CD96: variants seen among roughly 807,000 people sequenced by gnomAD.
CD96 encodes the protein T-cell surface protein tactile.
Under a neutral mutation model 71.3 loss-of-function variants are expected in CD96, and 70 were observed. The ratio of observed to expected loss-of-function variants is 0.98; its 90% confidence interval spans 0.81 to 1.20. The LOEUF is 1.20. Among genes scored for constraint, CD96 ranks in the 50% most tolerant of loss-of-function variants. The probability of loss-of-function intolerance (pLI) is 0.00; values close to 1 mark genes in which losing one functional copy is unlikely to be tolerated. For missense variants in CD96, 742 were observed against 677.5 expected, an observed-to-expected ratio of 1.10 and a Z score of -1.06; for synonymous variants, 248 against 233.0, an observed-to-expected ratio of 1.06 and a Z score of -0.59.
intron 13 of CD96, among the ~76,000 whole-genome samples, chr3:111,648,999 A>G (rs1172255256): frequency 6.6e-6 from 1 of 152,214 alleles, no homozygotes; most frequent in Non-Finnish European, 1.5e-5. Context: ...GATTCAAACA[A>G]AAGGGATTTA....
At chr3:111,565,844 T>C (rs563314405) in intron 2 of CD96, among the ~76,000 whole-genome samples, 2 of 151,784 alleles carry the variant, frequency 1.3e-5, no homozygotes, top group Admixed American at 1.3e-4. Flanking sequence ...GGGGAAGATG[T>C]ACCCTAATGG....
chr3:111,657,497 G>A (rs1272619929), intron 14 of CD96, among the ~76,000 whole-genome samples: 3 of 151,886 alleles, frequency 2.0e-5, no homozygotes, highest in South Asian at 2.1e-4. Context: ...CTCGTGTAGG[G>A]TGGGGTGGGG....
At chr3:111,566,670 G>A (rs1411380994) in intron 2 of CD96, among the ~76,000 whole-genome samples, 1 of 152,096 alleles carries the variant, frequency 6.6e-6, no homozygotes, top group Non-Finnish European at 1.5e-5. Context: ...TTATATGTAT[G>A]TATATAAAAC....
rs1041720681 is a variant in CD96, at chr3:111,608,104, C to T, written c.1180+1312C>T. Among the ~76,000 whole-genome samples the T allele has an allele frequency of 3.5e-5, 5 of 141,610 alleles. No homozygotes were observed. The East Asian group carries it at 6.1e-4, about 17-fold the overall frequency. 92.9% of individuals were successfully genotyped at this position (141,610 alleles called of 152,430 possible). A position where few individuals can be genotyped will look rare whatever the true frequency, so the allele number is the denominator to read the frequency against. On this transcript the variant is annotated intron_variant, in intron 8 of 13. Transcript: ENST00000352690. ...GTTCTTTCATGAGGTGCAGTCACAC[C>T]GTTGGCTGAGGCTTCAGTCATCTGA...
chr3:111,559,128 A>G (rs1193458986), intron 2 of CD96, among the ~76,000 whole-genome samples: 1 of 150,750 alleles, frequency 6.6e-6, no homozygotes, highest in Non-Finnish European at 1.5e-5. Flanking sequence ...CTAGCGGTCT[A>G]TCAATTTTGT....
At chr3:111,566,937 T>C (rs1935739586) in intron 2 of CD96, among the ~76,000 whole-genome samples, 1 of 152,132 alleles carries the variant, frequency 6.6e-6, no homozygotes, top group African/African-American at 2.4e-5. Flanking sequence ...ACCCATAGAA[T>C]GTGCAAAATT....
intron 14 of CD96, among the ~76,000 whole-genome samples, chr3:111,658,042 T>A (rs1221521109): frequency 6.6e-6 from 1 of 152,232 alleles, no homozygotes; most frequent in Non-Finnish European, 1.5e-5. Flanking sequence ...AGCATCCGCA[T>A]CTTGGTCTTC....
intron 3 of CD96, among the ~76,000 whole-genome samples, chr3:111,569,928 A>C (rs1935898792): frequency 1.3e-5 from 2 of 152,214 alleles, no homozygotes; most frequent in African/African-American, 4.8e-5. Context: ...AAAATGATTC[A>C]GTAGTCTTCC....
At chr3:111,577,541 G>A (rs1199786255) in intron 3 of CD96, 1 of 1,597,024 alleles carries the variant, frequency 6.3e-7, no homozygotes, top group Non-Finnish European at 8.6e-7. Context: ...TCTTTCTAAG[G>A]GTATAAAGGT....
intron 8 of CD96, among the ~76,000 whole-genome samples, chr3:111,616,717 A>G (rs1938256441): frequency 6.6e-6 from 1 of 152,120 alleles, no homozygotes; most frequent in South Asian, 2.1e-4. Context: ...GCCCGACTGG[A>G]CTAGCTGCTG....
chr3:111,578,094 T>C (rs1024618840), intron 3 of CD96, among the ~76,000 whole-genome samples: 5 of 152,178 alleles, frequency 3.3e-5, no homozygotes, highest in African/African-American at 4.8e-5. Context: ...GCAGCTCAAC[T>C]GAGAATGTTG....
In CD96 at chr3:111,598,153, C is replaced by G. The variant is rs747883337; in HGVS notation, c.841C>G (p.Pro281Ala). The G allele has an allele frequency of 6.6e-7, 1 of 1,504,244 alleles. No individual in the cohort carries two copies. The highest frequency in any genetic ancestry group is 9.3e-7 in the Non-Finnish European group (1 of 1,080,674). The allele number at this position is 1,504,244 out of a possible 1,614,324, so 93.2% of individuals were successfully genotyped here. A position where few individuals can be genotyped will look rare whatever the true frequency, so the allele number is the denominator to read the frequency against. The change falls in exon 6 of 14, where the codon CCC becomes GCC. Residue 281 changes from proline to alanine, a missense_variant. By Grantham distance (27) the Pro-to-Ala change is conservative. Coordinates refer to ENST00000352690, the MANE Select transcript of CD96 (RefSeq NM_005816.5). ...TACCTGCTTACTAAAGAATGTATTT[C>G]CCAAAGCAAATATCACATGGTTTAT... is the stretch of plus-strand genomic sequence containing the variant. ...RFTCLLKNVF[P>A]KANITWFIDG...
intron 10 of CD96, among the ~76,000 whole-genome samples, chr3:111,630,227 G>A (rs1014952062): frequency 2.0e-5 from 3 of 152,042 alleles, no homozygotes; most frequent in South Asian, 4.2e-4. Flanking sequence ...CTAGGAGCTG[G>A]TTTTTTAAAA....
chr3:111,561,355 CT>C (rs1344546101), intron 2 of CD96, among the ~76,000 whole-genome samples: 1 of 148,434 alleles, frequency 6.7e-6, no homozygotes, highest in Non-Finnish European at 1.5e-5. Context: ...TACTTTCGGT[CT>C]TTGATGATGG....
At chr3:111,571,556 G>A (rs1935986424) in intron 3 of CD96, among the ~76,000 whole-genome samples, 1 of 152,018 alleles carries the variant, frequency 6.6e-6, no homozygotes, top group Admixed American at 6.6e-5. Context: ...GCCAGAGAGT[G>A]CATCTAAGGT....
Position 111,624,392 on chromosome 3 carries a change from G to C in CD96, c.1309G>C (p.Asp437His). ...FNYPWTSSGT[D>H]TKKSVSRIPS... ...CTATCCCTGGACCTCCAGTGGGACA[G>C]ATACCAAAAAATGTTAAGTATAATC... Residue 437 changes from aspartate (D) to histidine (H), a missense_variant, in exon 10 of 14, where the codon GAT (aspartate) becomes CAT (histidine). Transcript: ENST00000352690. 1 of 1,604,704 alleles carries C rather than the reference G, an allele frequency of 6.2e-7. No individual in the cohort carries two copies. The highest frequency in any genetic ancestry group is 8.5e-7 in the Non-Finnish European group (1 of 1,171,478).
At chr3:111,659,523 G>C (rs1008638117) in intron 14 of CD96, among the ~76,000 whole-genome samples, 2 of 152,086 alleles carry the variant, frequency 1.3e-5, no homozygotes, top group Non-Finnish European at 2.9e-5. Flanking sequence ...CACTGCTTTG[G>C]CTGCATCCCA....
chr3:111,624,384 G>T lies in CD96; in HGVS notation c.1301G>T (p.Ser434Ile). 1.9e-6 allele frequency: 3 copies of T among 1,609,886 alleles called. No homozygotes were observed. Among genetic ancestry groups the T allele is most frequent in the Non-Finnish European group, 2.6e-6 (3 of 1,176,134 alleles). Residue 434 changes from serine (S) to isoleucine (I), a missense_variant, in exon 10 of 14, where the codon AGT becomes ATT. By Grantham distance (142) the Ser-to-Ile change is moderately radical. Coordinates refer to ENST00000352690, the MANE Select transcript of CD96 (RefSeq NM_005816.5). The part of the protein sequence containing the change: ...TRGFNYPWTS[S>I]GTDTKKSVSR... ...GGCTTCAACTATCCCTGGACCTCCA[G>T]TGGGACAGATACCAAAAAATGTTAA...
At chr3:111,662,687 A>C (rs950178993) in intron 14 of CD96, among the ~76,000 whole-genome samples, 2 of 152,248 alleles carry the variant, frequency 1.3e-5, no homozygotes, top group Non-Finnish European at 2.9e-5. Context: ...GCATAACAAA[A>C]GTTACCTTTA....
Sources: allele counts gnomAD v4.1 joint callset (sites outside exome capture counted in the v4.1 genomes callset), GRCh38; gene constraint gnomAD v4.1.1; transcripts MANE v1.5; gene names NCBI Gene and HGNC (gene_info 2026-07-23, HGNC 2026-07-21).